Variants in GABPB2 observed in about 807,000 individuals in gnomAD.
GABPB2 encodes GA-binding protein subunit beta-2.
Under a neutral mutation model 39.1 loss-of-function variants are expected in GABPB2, and 23 were observed. The observed-to-expected ratio is 0.59, with a 90% CI of 0.42 to 0.83. The LOEUF (loss-of-function observed/expected upper bound fraction) is 0.83, where lower values mean the gene tolerates loss of function less well. GABPB2 is among the 40% of genes least tolerant of loss of function. GABPB2 has a pLI of 0.00. For synonymous variants in GABPB2, 184 were observed against 199.3 expected, an observed-to-expected ratio of 0.92 and a Z score of 0.65; for missense variants, 467 against 541.1, an observed-to-expected ratio of 0.86 and a Z score of 1.36.
intron 7 of GABPB2, among the ~76,000 whole-genome samples, chr1:151,108,613 C>T (rs587717242): frequency 2.0e-5 from 3 of 152,050 alleles, no homozygotes; most frequent in South Asian, 2.1e-4. Context: ...GCTATCCTCC[C>T]GCCTCAGCCA....
Position 151,088,772 on chromosome 1 carries a change from G to A in GABPB2, c.108+475G>A, listed in dbSNP as rs182391795. 1.1e-4 allele frequency among the ~76,000 whole-genome samples: 17 copies of A among 152,162 alleles called. No individual in the cohort carries two copies. The South Asian group carries it at 3.3e-3, about 30-fold the overall frequency. On this transcript the variant is annotated intron_variant, in intron 2 of 8. Transcript: ENST00000368918. The stretch of plus-strand genomic sequence containing the variant: ...TCCCAGCACTTTGGGAGTCCAAGGC[G>A]GGCGGATCACCTGAGGTCAGGAGTT...
chr1:151,117,977 A>G lies in GABPB2; in HGVS notation c.1068A>G (p.Leu356=), dbSNP rs933006339. The G allele has an allele frequency of 9.3e-6, 15 of 1,612,924 alleles. No individual in the cohort carries two copies. Among genetic ancestry groups the G allele is most frequent in the Admixed American group, 6.7e-5 (4 of 59,816 alleles). ...EESKEGNERE[L]LQQQLQEANR... ...TACAGGAAGGCAATGAAAGAGAGCT[A>G]CTACAGCAACAACTCCAGGAGGCCA... Residue 356 remains leucine (L), a synonymous_variant, in exon 9 of 9, where the codon CTA becomes CTG. Transcript: ENST00000368918.
At chr1:151,100,142 A>G (rs1679400745) in intron 5 of GABPB2, among the ~76,000 whole-genome samples, 3 of 148,342 alleles carry the variant, frequency 2.0e-5, no homozygotes, top group Admixed American at 2.0e-4. Context: ...GATTAAAACA[A>G]CTTTTTTTTT....
chr1:151,073,470 T>C (rs910299189), intron 1 of GABPB2, among the ~76,000 whole-genome samples: 3 of 152,172 alleles, frequency 2.0e-5, no homozygotes, highest in Non-Finnish European at 4.4e-5. Flanking sequence ...ATCTCTTGTC[T>C]GGTTGATGGG....
At chr1:151,111,232 C>A (rs587707940) in intron 7 of GABPB2, among the ~76,000 whole-genome samples, 1 of 151,880 alleles carries the variant, frequency 6.6e-6, no homozygotes, top group African/African-American at 2.4e-5. Flanking sequence ...GCTACAGCTC[C>A]CGAAATTTTT....
At chr1:151,071,469 T>TTTTTTTC (rs1553259144) in intron 1 of GABPB2, among the ~76,000 whole-genome samples, 19 of 147,012 alleles carry the variant, frequency 1.3e-4, no homozygotes, top group East Asian at 6.0e-4. Context: ...TTTTTTTTTT[T>TTTTTTTC]CAAAACTGAG....
intron 1 of GABPB2, among the ~76,000 whole-genome samples, chr1:151,074,062 C>T (rs1292179783): frequency 3.3e-5 from 5 of 149,276 alleles, no homozygotes; most frequent in African/African-American, 4.9e-5. Context: ...CTGCAAGCTC[C>T]GCTTCCTAGT....
At chr1:151,082,891 G>A (rs191861366) in intron 1 of GABPB2, among the ~76,000 whole-genome samples, 7 of 151,604 alleles carry the variant, frequency 4.6e-5, no homozygotes, top group African/African-American at 9.7e-5. Flanking sequence ...ACGGAGGATT[G>A]CTTGAGCCCA....
chr1:151,079,592 T>G (rs985922048), intron 1 of GABPB2, among the ~76,000 whole-genome samples: 1 of 150,780 alleles, frequency 6.6e-6, no homozygotes, highest in Admixed American at 6.6e-5. Context: ...CAGACTACAG[T>G]ATAAAACACT....
intron 1 of GABPB2, among the ~76,000 whole-genome samples, chr1:151,084,286 G>A (rs1003293970): frequency 6.6e-6 from 1 of 151,362 alleles, no homozygotes; most frequent in Admixed American, 6.6e-5. Context: ...GTGCAATGGC[G>A]GGATCTCGGC....
chr1:151,105,394 ATATATCAAATG>A lies in GABPB2; in HGVS notation c.737-1632_737-1622del, dbSNP rs1248755415. ...TATATATATGTGTGTATATATATGTATATATCAAATGTATATCAAATATATATACAAATATA... is the reference window on the plus strand; with the variant it reads ...TATATATATGTGTGTATATATATGTATATATCAAATATATATACAAATATA... On this transcript the variant is annotated intron_variant, in intron 6 of 8. Transcript: ENST00000368918. 2.0e-5 allele frequency among the ~76,000 whole-genome samples: 3 copies of A among 149,180 alleles called. No homozygotes were observed. In the East Asian group the frequency reaches 5.8e-4, roughly 29 times the overall value.
At chr1:151,091,812 C>G (rs371391155) in intron 3 of GABPB2, among the ~76,000 whole-genome samples, 3 of 152,162 alleles carry the variant, frequency 2.0e-5, no homozygotes, top group East Asian at 3.9e-4. Context: ...CAGGGTCTCA[C>G]TCTTTTGTCC....
intron 1 of GABPB2, among the ~76,000 whole-genome samples, chr1:151,078,121 T>G (rs1173235946): frequency 6.7e-6 from 1 of 150,172 alleles, no homozygotes; most frequent in Non-Finnish European, 1.5e-5. Flanking sequence ...AAATACAAAA[T>G]TATCCAGTTG....
chr1:151,071,189 C>A (rs1395964101), intron 1 of GABPB2, among the ~76,000 whole-genome samples: 1 of 152,108 alleles, frequency 6.6e-6, no homozygotes, highest in Admixed American at 6.5e-5. Context: ...GGAGCTGGAC[C>A]AAGGGAAGCC....
At chr1:151,072,780 G>A (rs940095069) in intron 1 of GABPB2, among the ~76,000 whole-genome samples, 1 of 152,198 alleles carries the variant, frequency 6.6e-6, no homozygotes, top group Admixed American at 6.5e-5. Flanking sequence ...CCAGCAGGCA[G>A]AGGTTGCAGT....
intron 1 of GABPB2, among the ~76,000 whole-genome samples, chr1:151,085,486 G>A (rs1384824881): frequency 1.3e-5 from 2 of 152,130 alleles, no homozygotes; most frequent in African/African-American, 4.8e-5. Context: ...TGTTGCCCAG[G>A]CTGGAGTGCG....
At chr1:151,087,888 A>G (rs1678337368) in intron 1 of GABPB2, among the ~76,000 whole-genome samples, 1 of 152,118 alleles carries the variant, frequency 6.6e-6, no homozygotes, top group Admixed American at 6.6e-5. Context: ...TCTTCATTTC[A>G]GGGGAATGAA....
At chr1:151,104,802 T>TTTCTTTCTTTTTTTCTTTCTTTC (rs10638922) in intron 6 of GABPB2, among the ~76,000 whole-genome samples, 18 of 139,360 alleles carry the variant, frequency 1.3e-4, no homozygotes, top group African/African-American at 4.3e-4. Flanking sequence ...TCTTTCTTTC[T>TTTCTTTCTTTTTTTCTTTCTTTC]TTTCTTTCTT....
chr1:151,097,998 C>T lies in GABPB2; in HGVS notation c.618C>T (p.Thr206=). Residue 206 remains threonine (T), a synonymous_variant, in exon 5 of 9, where the codon ACC becomes ACT. Coordinates refer to ENST00000368918, the MANE Select transcript of GABPB2 (RefSeq NM_144618.3). ...SLISSTNTKT[T]SGDPHASTVQ... is the part of the protein sequence containing the mutation. ...TTTCTTCAACCAACACCAAAACAAC[C>T]TCAGGTAATGTTCTGATAACATGAA... 1.2e-6 allele frequency: 2 copies of T among 1,613,848 alleles called. No individual in the cohort carries two copies. The highest frequency in any genetic ancestry group is 4.5e-5 in the East Asian group (2 of 44,870).
Sources: gnomAD v4.1 joint callset for allele counts (sites outside exome capture counted in the v4.1 genomes callset) on GRCh38, gnomAD v4.1.1 for gene constraint, MANE v1.5 for transcripts, NCBI Gene and HGNC (gene_info 2026-07-23, HGNC 2026-07-21) for gene names.